The following MMP26 variants were observed in gnomAD, a reference collection of about 807,000 sequenced individuals.
MMP26 encodes matrix metalloproteinase-26.
In MMP26, 33 loss-of-function variants were observed where a neutral mutation model predicts 31.0. The ratio of observed to expected loss-of-function variants is 1.06; its 90% CI spans 0.81 to 1.42. The LOEUF (loss-of-function observed/expected upper bound fraction) is 1.42. MMP26 is among the 40% of genes most tolerant of loss of function. The probability of loss-of-function intolerance (pLI) is 0.00; values close to 1 mark genes in which losing one functional copy is unlikely to be tolerated. For synonymous variants in MMP26, 122 were observed against 114.9 expected (o/e 1.06, Z -0.40); for missense variants, 347 against 316.1 (o/e 1.10, Z -0.74).
intron 2 of MMP26, among the ~76,000 whole-genome samples, chr11:4,919,992 GC>G (rs2133579739): frequency 6.6e-6 from 1 of 152,104 alleles, no homozygotes; most frequent in African/African-American, 2.4e-5. Context: ...GGTGAGATGA[GC>G]CCCTGCAAAA....
chr11:4,991,456 C>A lies in MMP26; in HGVS notation c.555C>A (p.Val185=), dbSNP rs1847001379. Residue 185 remains valine, a synonymous_variant, in exon 6 of 8, where the codon GTC becomes GTA. Transcript: ENST00000380390. ...FLPNSGNPGV[V]HFDKNEHWSA... is the part of the protein sequence containing the mutation. ...CAAATTCTGGAAATCCTGGAGTTGT[C>A]CATTTTGACAAGAATGAACACTGGT... 2 of 1,613,970 alleles carry A rather than the reference C, an allele frequency of 1.2e-6. No homozygotes were observed. The highest frequency in any genetic ancestry group is 1.3e-5 in the African/African-American group (1 of 75,032).
chr11:4,863,525 T>A (rs182245833), intron 2 of MMP26: 1 of 152,166 alleles, frequency 6.6e-6, no homozygotes, highest in Non-Finnish European at 1.5e-5. Flanking sequence ...TAGAATTTCA[T>A]CAGGATTTAA....
chr11:4,788,761 A>G (rs758874501), intron 2 of MMP26, among the ~76,000 whole-genome samples: 26 of 152,144 alleles, frequency 1.7e-4, no homozygotes, highest in Non-Finnish European at 2.2e-4. Context: ...GTATTTCCTC[A>G]GTATTCTCAA....
intron 2 of MMP26, among the ~76,000 whole-genome samples, chr11:4,963,567 A>G (rs1846550494): frequency 6.6e-6 from 1 of 152,362 alleles, no homozygotes; most frequent in Non-Finnish European, 1.5e-5. Context: ...CAGAGGCCTC[A>G]GAAATAATGC....
intron 2 of MMP26, chr11:4,945,819 G>C (rs1373472671): frequency 6.6e-6 from 2 of 302,800 alleles, no homozygotes; most frequent in Non-Finnish European, 1.2e-5. Context: ...AGCATTAAAA[G>C]AACTTGGTAT....
Position 4,755,392 on chromosome 11 carries a change from A to G in MMP26, c.-216-11878A>G, listed in dbSNP as rs548084179. 2.0e-5 allele frequency among the ~76,000 whole-genome samples: 3 copies of G among 152,152 alleles called. No homozygotes were observed. The South Asian group carries it at 6.2e-4, about 31-fold the overall frequency. On this transcript the variant is annotated intron_variant, in intron 1 of 7. Transcript: ENST00000380390. ...ATCAGCCCACATTGAATACATCTCC[A>G]TAGTCTATACTAAGGAATGTGGAGT...
intron 1 of MMP26, among the ~76,000 whole-genome samples, chr11:4,730,635 G>A (rs950544667): frequency 8.5e-5 from 13 of 152,132 alleles, no homozygotes; most frequent in African/African-American, 3.1e-4. Context: ...TCAAGACTAC[G>A]TTGTCTCTCT....
At chr11:4,813,723 C>A (rs1251049207) in intron 2 of MMP26, among the ~76,000 whole-genome samples, 1 of 151,034 alleles carries the variant, frequency 6.6e-6, no homozygotes, top group East Asian at 1.9e-4. Flanking sequence ...TTAAAAAGTA[C>A]AGTAATATTT....
intron 2 of MMP26, among the ~76,000 whole-genome samples, chr11:4,819,966 G>A (rs529736090): frequency 6.6e-6 from 1 of 152,144 alleles, no homozygotes; most frequent in Non-Finnish European, 1.5e-5. Context: ...TTTGCATACA[G>A]GAACTATCGA....
intron 2 of MMP26, chr11:4,848,518 C>T (rs751099845): frequency 6.2e-7 from 1 of 1,613,552 alleles, no homozygotes; most frequent in Non-Finnish European, 8.5e-7. Context: ...CCTTGCAACA[C>T]CTTGCCAATC....
At chr11:4,946,475 A>G in intron 2 of MMP26, 1 of 1,610,404 alleles carries the variant, frequency 6.2e-7, no homozygotes, top group Admixed American at 1.7e-5. Context: ...AAAGTCTACC[A>G]TAAGGCAGAG....
chr11:4,982,406 A>C (rs1846827197), intron 2 of MMP26, among the ~76,000 whole-genome samples: 1 of 152,176 alleles, frequency 6.6e-6, no homozygotes, highest in Non-Finnish European at 1.5e-5. Flanking sequence ...AATGTGGTCC[A>C]TTATTGAATA....
intron 2 of MMP26, among the ~76,000 whole-genome samples, chr11:4,850,203 A>G (rs1849956167): frequency 6.6e-6 from 1 of 152,174 alleles, no homozygotes; most frequent in Non-Finnish European, 1.5e-5. Flanking sequence ...CAGATGAATT[A>G]CTAATATATA....
chr11:4,758,467 A>G (rs769815516), intron 1 of MMP26, among the ~76,000 whole-genome samples: 21 of 68,866 alleles, frequency 3.0e-4, no homozygotes, highest in Non-Finnish European at 5.3e-4. Flanking sequence ...ATCCATTTGG[A>G]AAAAAAAAAA....
chr11:4,808,947 T>C (rs1298761663), intron 2 of MMP26, among the ~76,000 whole-genome samples: 3 of 150,966 alleles, frequency 2.0e-5, no homozygotes, highest in Non-Finnish European at 4.4e-5. Context: ...CTTATGAACA[T>C]AACACAGGCA....
chr11:4,743,936 G>T (rs994042464), intron 1 of MMP26, among the ~76,000 whole-genome samples: 2 of 151,976 alleles, frequency 1.3e-5, no homozygotes, highest in Non-Finnish European at 2.9e-5. Context: ...CTCCTGAGCA[G>T]GTAGGATCAC....
intron 2 of MMP26, among the ~76,000 whole-genome samples, chr11:4,949,086 A>G (rs1846347040): frequency 8.0e-6 from 1 of 124,988 alleles, no homozygotes; most frequent in South Asian, 2.4e-4. Flanking sequence ...GACAATTTAA[A>G]GTAAGCTACA....
chr11:4,833,649 C>T (rs1013417261), intron 2 of MMP26, among the ~76,000 whole-genome samples: 1 of 152,126 alleles, frequency 6.6e-6, no homozygotes, highest in Admixed American at 6.6e-5. Flanking sequence ...CTGAAATGTG[C>T]ATTTTAGCAA....
intron 2 of MMP26, among the ~76,000 whole-genome samples, chr11:4,960,549 C>A (rs1287067799): frequency 4.3e-5 from 6 of 141,056 alleles, no homozygotes; most frequent in Admixed American, 1.6e-4. Flanking sequence ...AACACATATA[C>A]CATAAAACTT....
Sources: allele counts gnomAD v4.1 joint callset (sites outside exome capture counted in the v4.1 genomes callset), GRCh38; gene constraint gnomAD v4.1.1; transcripts MANE v1.5; gene names NCBI Gene and HGNC (gene_info 2026-07-23, HGNC 2026-07-21).